The following CSF1R variants were observed in gnomAD, a reference collection of about 807,000 sequenced individuals.
CSF1R encodes the protein macrophage colony-stimulating factor 1 receptor.
Under a neutral mutation model 110.0 loss-of-function variants are expected in CSF1R, and 40 were observed. The ratio of observed to expected loss-of-function variants is 0.36; its 90% CI spans 0.28 to 0.47. The LOEUF is 0.47. Ranked by LOEUF, CSF1R falls within the 20% of genes least tolerant of loss-of-function variation. The probability of loss-of-function intolerance (pLI) is 0.99; values close to 1 mark genes in which losing one functional copy is unlikely to be tolerated. For synonymous variants in CSF1R, 523 were observed against 503.4 expected, an observed-to-expected ratio of 1.04 and a Z score of -0.52; for missense variants, 1,052 against 1,253.0, an observed-to-expected ratio of 0.84 and a Z score of 2.42.
intron 1 of CSF1R, among the ~76,000 whole-genome samples, chr5:150,107,836 T>C (rs1417950486): frequency 6.6e-6 from 1 of 152,208 alleles, no homozygotes; most frequent in East Asian, 1.9e-4. Flanking sequence ...AGTGAGACAA[T>C]AATGCAGGTG....
At chr5:150,078,885 C>T (rs948839908) in intron 3 of CSF1R, among the ~76,000 whole-genome samples, 5 of 152,192 alleles carry the variant, frequency 3.3e-5, no homozygotes, top group Non-Finnish European at 7.3e-5. Flanking sequence ...GAATTAGCCT[C>T]CCCAGCACCT....
Position 150,053,420 on chromosome 5 carries a change from T to G in CSF1R, c.*649A>C, listed in dbSNP as rs1581274455. The G allele has an allele frequency of 2.1e-5, 5 of 234,412 alleles. No individual in the cohort carries two copies. In the East Asian group the frequency reaches 3.0e-4, roughly 14 times the overall value. 14.5% of individuals were successfully genotyped at this position (234,412 alleles called of 1,614,324 possible). A position where few individuals can be genotyped will look rare whatever the true frequency, so the allele number is the denominator to read the frequency against. On this transcript the variant is annotated 3_prime_UTR_variant, in exon 21 of 21. Coordinates refer to ENST00000675795, the MANE Select transcript of CSF1R (RefSeq NM_001288705.3). ...TGGCCAGCCACATGCCAAGGTCCCC[T>G]GCCTTCTAGCCCAGAATGACGGGAC... is the stretch of plus-strand genomic sequence containing the variant.
chr5:150,056,108 T>G lies in CSF1R; in HGVS notation c.2472A>C (p.Pro824=), dbSNP rs778050359. ...NARLPVKWMA[P]ESIFDCVYTV... is the part of the protein sequence containing the mutation. ...TGTAGACACAGTCAAAGATGCTCTC[T>G]GGGGCCATCCACTTCACAGGCAGGC... Residue 824 remains proline (P), a synonymous_variant, in exon 18 of 21, where the codon CCA becomes CCC. Transcript: ENST00000675795. 3.1e-6 allele frequency: 5 copies of G among 1,614,222 alleles called. No individual in the cohort carries two copies. Among genetic ancestry groups the G allele is most frequent in the Admixed American group, 1.7e-5 (1 of 60,028 alleles).
intron 2 of CSF1R, 63 bp downstream of exon 2, chr5:150,080,704 T>C: frequency 3.1e-6 from 5 of 1,591,776 alleles, no homozygotes; most frequent in Non-Finnish European, 3.4e-6. Flanking sequence ...TTGTTAATTT[T>C]AGGGCCCATT....
chr5:150,088,421 G>A (rs996617966), upstream of CSF1R, among the ~76,000 whole-genome samples: 1 of 152,042 alleles, frequency 6.6e-6, no homozygotes, highest in African/African-American at 2.4e-5. Context: ...TGGTACCAAA[G>A]CTAGACCAAG....
At chr5:150,091,871 A>T (rs1039804804) in intron 1 of CSF1R, among the ~76,000 whole-genome samples, 3 of 151,616 alleles carry the variant, frequency 2.0e-5, no homozygotes, top group African/African-American at 7.3e-5. Flanking sequence ...AAAAAAAAAA[A>T]AAAAAAAATC....
At chr5:150,083,020 G>A (rs1271874092) in intron 1 of CSF1R, among the ~76,000 whole-genome samples, 1 of 152,066 alleles carries the variant, frequency 6.6e-6, no homozygotes, top group Admixed American at 6.5e-5. Flanking sequence ...ATGTGGTCAG[G>A]GAGCGGTGTC....
In CSF1R at chr5:150,070,342, C is replaced by T. The variant is rs201228334; in HGVS notation, c.1199-40G>A. The stretch of plus-strand genomic sequence containing the variant: ...AGGAGGCCCCAAGTCACACTTTCCC[C>T]GCCACCTCCCAATCTCCCAGTACCT... On this transcript the variant is annotated intron_variant, in intron 7 of 20. Transcript: ENST00000675795. 175 of 1,604,552 alleles carry T rather than the reference C, an allele frequency of 1.1e-4. No homozygotes were observed. The African/African-American group carries it at 1.1e-3, about 10-fold the overall frequency.
At chr5:150,085,341 T>C (rs1758796454) in intron 1 of CSF1R, among the ~76,000 whole-genome samples, 3 of 145,110 alleles carry the variant, frequency 2.1e-5, no homozygotes, top group African/African-American at 7.8e-5. Flanking sequence ...AGAAGGATGG[T>C]CAGTGGGCCA....
At chr5:150,068,369 G>A in intron 9 of CSF1R, 39 bp from the exon 10 acceptor site, 1 of 1,493,028 alleles carries the variant, frequency 6.7e-7, no homozygotes, top group Non-Finnish European at 9.3e-7. Context: ...AGGCAGGGGT[G>A]CCTCCGAGCC....
chr5:150,081,956 G>A (rs1054036960), intron 1 of CSF1R, among the ~76,000 whole-genome samples: 12 of 152,242 alleles, frequency 7.9e-5, no homozygotes, highest in African/African-American at 2.2e-4. Context: ...AAGCCTCCGA[G>A]GGGCTGCCAG....
At chr5:150,072,312 G>C (rs1230280719) in intron 6 of CSF1R, among the ~76,000 whole-genome samples, 1 of 152,044 alleles carries the variant, frequency 6.6e-6, no homozygotes, top group East Asian at 1.9e-4. Flanking sequence ...TGGCCAACAT[G>C]GTGAAACTCT....
chr5:150,085,608 T>G (rs764000110), intron 1 of CSF1R, among the ~76,000 whole-genome samples: 1 of 152,062 alleles, frequency 6.6e-6, no homozygotes, highest in Admixed American at 6.6e-5. Flanking sequence ...GCAGCCTGTG[T>G]CTGGGAGGGC....
rs181896492 is a variant in CSF1R at position 150,099,807 on chromosome 5, A to T, written c.-180-13200T>A. On this transcript the variant is annotated intron_variant, in intron 1 of 21. Transcript: ENST00000286301. Reference sequence around the variant, plus strand: ...TAGCTTCATTGTGACAATGATAAACATGACTATATACATTTGTCAAAAGTA... The same window carrying T: ...TAGCTTCATTGTGACAATGATAAACTTGACTATATACATTTGTCAAAAGTA... Among the ~76,000 whole-genome samples the T allele has an allele frequency of 5.9e-5, 9 of 152,290 alleles. No individual in the cohort carries two copies. In the East Asian group the frequency reaches 1.7e-3, roughly 29 times the overall value.
Position 150,061,810 on chromosome 5 carries a change from A to T in CSF1R, c.1666T>A (p.Tyr556Asn). ...ATGAAAGTATAACTGTTGCCCTCAT[A>T]GCTCTCGATGATCTTCCAGCGGACC... ...YQVRWKIIES[Y>N]EGNSYTFIDP... The change falls in exon 11 of 21, where the codon TAT becomes AAT. Residue 556 changes from tyrosine (Y) to asparagine (N), a missense_variant. By Grantham distance (143) the Tyr-to-Asn change is moderately radical (BLOSUM62 -2). Around this residue, in one of 5 missense-constraint regions of CSF1R, gnomAD observed 693 missense variants for 735.4 expected, o/e 0.94. Coordinates refer to ENST00000675795, the MANE Select transcript of CSF1R (RefSeq NM_001288705.3). The T allele has an allele frequency of 6.2e-7, 1 of 1,614,192 alleles. No individual in the cohort carries two copies. The highest frequency in any genetic ancestry group is 8.5e-7 in the Non-Finnish European group (1 of 1,180,028).
rs1757869465 is a variant in CSF1R at position 150,068,306 on chromosome 5, T to A, written c.1535A>T (p.Glu512Val). The A allele has an allele frequency of 6.2e-7, 1 of 1,612,658 alleles. No individual in the cohort carries two copies. Among genetic ancestry groups the A allele is most frequent in the Non-Finnish European group, 8.5e-7 (1 of 1,179,798 alleles). ...SAGAHTHPPD[E>V]FLFTPVVVAC... ...GACCACCACTGGTGTGAAGAGGAAC[T>A]CATCCGGGGGATGCGTGTGGGCTCC... The change falls in exon 10 of 21, where the codon GAG becomes GTG. Residue 512 changes from glutamate to valine, a missense_variant. By Grantham distance (121) the Glu-to-Val change is moderately radical. Coordinates refer to ENST00000675795, the MANE Select transcript of CSF1R (RefSeq NM_001288705.3).
chr5:150,080,433 C>T (rs1000868076), intron 2 of CSF1R, 97 bp from the exon 3 acceptor site: 1 of 1,465,276 alleles, frequency 6.8e-7, no homozygotes, highest in Non-Finnish European at 9.2e-7. Flanking sequence ...AGAGGCTGAT[C>T]ATTCATCTGA....
At chr5:150,082,480 C>T (rs142230893) in intron 1 of CSF1R, among the ~76,000 whole-genome samples, 7 of 152,368 alleles carry the variant, frequency 4.6e-5, no homozygotes, top group Non-Finnish European at 7.3e-5. Flanking sequence ...CCAAGCCTGC[C>T]ACCTGGGGTT....
At chr5:150,061,041 G>A in intron 12 of CSF1R, 69 bp from the exon 13 acceptor site, 1 of 1,116,694 alleles carries the variant, frequency 9.0e-7, no homozygotes, top group Non-Finnish European at 1.3e-6. Flanking sequence ...CAGATACATG[G>A]GGACCAAATG....
Sources: gnomAD v4.1 joint callset for allele counts (sites outside exome capture counted in the v4.1 genomes callset) on GRCh38, gnomAD v4.1.1 for gene constraint, gnomAD v4.1.1 regional missense constraint, MANE v1.5 for transcripts, NCBI Gene and HGNC (gene_info 2026-07-23, HGNC 2026-07-21) for gene names.